SERHL2: variants seen among roughly 807,000 people sequenced by gnomAD.
SERHL2 encodes serine hydrolase-like protein 2.
Under a neutral mutation model 25.5 loss-of-function variants are expected in SERHL2, and 29 were observed. The ratio of observed to expected loss-of-function variants is 1.14; its 90% CI spans 0.85 to 1.55. The LOEUF is 1.55. SERHL2 is among the 40% of genes most tolerant of loss of function. SERHL2 has a pLI of 0.00. For synonymous variants in SERHL2, 95 were observed against 103.5 expected, an observed-to-expected ratio of 0.92 and a Z score of 0.50; for missense variants, 240 against 252.3, an observed-to-expected ratio of 0.95 and a Z score of 0.33.
chr22:42,571,069 C>T lies in SERHL2; in HGVS notation c.649-52C>T, dbSNP rs370844192. The T allele has an allele frequency of 2.0e-4, 319 of 1,611,572 alleles. 2 individuals carry two copies. The African/African-American group carries it at 3.1e-3, about 16-fold the overall frequency. ...CCAACAGAGATGGGTTTCGTGCCCACGAGAGTGCCTGTGCCTTGTGACGAG... is the reference window on the plus strand; with the variant it reads ...CCAACAGAGATGGGTTTCGTGCCCATGAGAGTGCCTGTGCCTTGTGACGAG... On this transcript the variant is annotated intron_variant, in intron 9 of 11. Transcript: ENST00000327678.
At chr22:42,571,294 T>G (rs1315055105) in intron 10 of SERHL2, 91 bp downstream of exon 10, 9 of 1,586,222 alleles carry the variant, frequency 5.7e-6, no homozygotes, top group Non-Finnish European at 6.9e-6. Flanking sequence ...AGGCTCCAAG[T>G]TCTCTGCGTG....
intron 8 of SERHL2, chr22:42,565,391 T>C (rs1417996913): frequency 1.3e-5 from 2 of 151,458 alleles, no homozygotes; most frequent in Non-Finnish European, 2.9e-5. Context: ...AGTGGCTCGA[T>C]CTCGGCTCAC....
In SERHL2 at chr22:42,572,391, G is replaced by A. The variant is rs138589636; in HGVS notation, c.732-45G>A. On this transcript the variant is annotated intron_variant, in intron 10 of 11. Transcript: ENST00000327678. ...CAGGATGGGGGCACCGCTGGGAGGC[G>A]GTTCTAAGATGAACCCCAACAACCC... 2.2e-3 allele frequency: 3,190 copies of A among 1,447,466 alleles called. 38 individuals carry two copies. The African/African-American group carries it at 0.037, about 17-fold the overall frequency. The allele number at this position is 1,447,466 out of a possible 1,614,324, so 89.7% of individuals were successfully genotyped here. A position where few individuals can be genotyped will look rare whatever the true frequency, so the allele number is the denominator to read the frequency against.
intron 11 of SERHL2, 75 bp downstream of exon 11, chr22:42,572,604 T>C (rs111652638): frequency 2.6e-6 from 4 of 1,566,762 alleles, no homozygotes; most frequent in East Asian, 4.5e-5. Flanking sequence ...TCTCTTCTCA[T>C]GCACTGGGAA....
chr22:42,572,600 C>T lies in SERHL2; in HGVS notation c.825+71C>T, dbSNP rs993466052. 7 of 1,574,322 alleles carry T rather than the reference C, an allele frequency of 4.4e-6. No homozygotes were observed. In the African/African-American group the frequency reaches 9.4e-5, roughly 21 times the overall value. ...TCTGGTCCCACCTCACCCATCTCTT[C>T]TCATGCACTGGGAAGACCCTGGGTC... On this transcript the variant is annotated intron_variant, in intron 11 of 11. Transcript: ENST00000327678.
intron 10 of SERHL2, chr22:42,571,480 A>T: frequency 7.8e-7 from 1 of 1,283,672 alleles, no homozygotes; most frequent in Non-Finnish European, 9.9e-7. Flanking sequence ...CTCCATAACC[A>T]GTGAGCCCAG....
chr22:42,572,545 G>A lies in SERHL2; in HGVS notation c.825+16G>A, dbSNP rs754719305. 1 of 1,610,494 alleles carries A rather than the reference G, an allele frequency of 6.2e-7. No homozygotes were observed. Among genetic ancestry groups the A allele is most frequent in the Non-Finnish European group, 8.5e-7 (1 of 1,177,602 alleles). On this transcript the variant is annotated intron_variant, in intron 11 of 11. Coordinates refer to ENST00000327678, the MANE Select transcript of SERHL2 (RefSeq NM_014509.5). ...CCTCAAAGAGGTAAGACGGGGCTCA[G>A]GCAGCTGGTGTCCAGCCACTGTCGC...
At chr22:42,563,661 A>G (rs1922983183) in intron 8 of SERHL2, among the ~76,000 whole-genome samples, 1 of 151,938 alleles carries the variant, frequency 6.6e-6, no homozygotes, top group Admixed American at 6.6e-5. Flanking sequence ...CATGGGGGGA[A>G]TTTTGAATAG....
chr22:42,572,816 C>G (rs1924420361), intron 11 of SERHL2: 1 of 545,842 alleles, frequency 1.8e-6, no homozygotes, highest in Non-Finnish European at 2.3e-6. Flanking sequence ...AGGCACCTGC[C>G]ACCATGCCCA....
intron 8 of SERHL2, among the ~76,000 whole-genome samples, chr22:42,563,206 G>T (rs75273210): frequency 0.015 from 822 of 55,626 alleles, 3 homozygotes; most frequent in African/African-American, 0.095. Flanking sequence ...TTTTTTTTTT[G>T]TTGTTGTTGT....
chr22:42,564,002 G>A (rs1043038733), intron 8 of SERHL2, among the ~76,000 whole-genome samples: 78 of 151,936 alleles, frequency 5.1e-4, no homozygotes, highest in Non-Finnish European at 9.0e-4. Flanking sequence ...GAACCGGGAG[G>A]TGGAGGTTGC....
At chr22:42,566,508 ATAGCACCACTGCACTGCAGCCTGGGCGAC>A in intron 9 of SERHL2, among the ~76,000 whole-genome samples, 170 bp downstream of exon 9, 12 of 151,648 alleles carry the variant, frequency 7.9e-5, no homozygotes, top group Admixed American at 7.9e-4. Flanking sequence ...TTGAGCCGAG[ATAGCACCACTGCACTGCAGCCTGGGCGAC>A]AGAGCGAGAC....
At chr22:42,556,347 G>C (rs1414656334) in intron 5 of SERHL2, 167 bp from the exon 6 acceptor site, 1 of 558,468 alleles carries the variant, frequency 1.8e-6, no homozygotes, top group Admixed American at 3.3e-5. Flanking sequence ...ACTTAGGGGT[G>C]GTGGGGGAAG....
chr22:42,570,196 C>T (rs6002797), intron 9 of SERHL2, among the ~76,000 whole-genome samples: 1,905 of 152,040 alleles, frequency 0.013, 35 homozygotes, highest in African/African-American at 0.043. Flanking sequence ...CCGAGGCAGA[C>T]AGATCACCTG....
intron 8 of SERHL2, among the ~76,000 whole-genome samples, chr22:42,563,176 C>CTTTT (rs1555998531): frequency 7.0e-6 from 1 of 142,402 alleles, no homozygotes; most frequent in Non-Finnish European, 1.5e-5. Context: ...AAGACCCTGG[C>CTTTT]TTTTTCTTTT....
At chr22:42,570,253 C>G (rs891767721) in intron 9 of SERHL2, among the ~76,000 whole-genome samples, 1 of 151,982 alleles carries the variant, frequency 6.6e-6, no homozygotes, top group Admixed American at 6.6e-5. Context: ...GAAACCCTGT[C>G]GCTACTAAAA....
At chr22:42,571,016 A>G (rs1331103977) in intron 9 of SERHL2, 105 bp from the exon 10 acceptor site, 1 of 1,557,434 alleles carries the variant, frequency 6.4e-7, no homozygotes, top group Admixed American at 1.8e-5. Context: ...GTGGGTGGCT[A>G]AGGTGCCCTC....
At chr22:42,559,649 G>A (rs13058560) in intron 7 of SERHL2, among the ~76,000 whole-genome samples, 15,044 of 151,376 alleles carry the variant, frequency 0.099, 1,135 homozygotes, top group Non-Finnish European at 0.15. Flanking sequence ...AACCCGGGAG[G>A]CAGAGCTTGC....
At position 42,574,260 on chromosome 22, in the gene SERHL2, G is replaced by C. The variant is rs1569288186; in HGVS notation, c.*205G>C. ...GGGGGAGACAGAGTCTGGGTTCCAGGGCTGCTTTCTCCTGGCTAATAATAA... is the reference window on the plus strand; with the variant it reads ...GGGGGAGACAGAGTCTGGGTTCCAGCGCTGCTTTCTCCTGGCTAATAATAA... On this transcript the variant is annotated 3_prime_UTR_variant, in exon 12 of 12. Coordinates refer to ENST00000327678, the MANE Select transcript of SERHL2 (RefSeq NM_014509.5). 1 of 582,872 alleles carries C rather than the reference G, an allele frequency of 1.7e-6. No individual in the cohort carries two copies. Among genetic ancestry groups the C allele is most frequent in the Non-Finnish European group, 3.0e-6 (1 of 331,970 alleles). The allele number at this position is 582,872 out of a possible 1,614,324, so 36.1% of individuals were successfully genotyped here.
Sources: allele counts gnomAD v4.1 joint callset (sites outside exome capture counted in the v4.1 genomes callset), GRCh38; gene constraint gnomAD v4.1.1; transcripts MANE v1.5; gene names NCBI Gene and HGNC (gene_info 2026-07-23, HGNC 2026-07-21).